The following ZNF503 variants were observed in gnomAD, a reference collection of about 807,000 sequenced individuals.
ZNF503 encodes zinc finger protein 503, also known as NocA-like zinc finger 2.
In ZNF503, 15 loss-of-function variants were observed where a neutral mutation model predicts 34.4. That is an observed-to-expected ratio of 0.44 (90% CI 0.29 to 0.67). The LOEUF is 0.67. Among genes scored for constraint, ZNF503 ranks in the 30% least tolerant of loss-of-function variants. The pLI, the probability that ZNF503 is intolerant of heterozygous loss-of-function variation, is 0.13. For synonymous variants in ZNF503, 580 were observed against 456.8 expected (o/e 1.27, Z -3.44); for missense variants, 1,007 against 926.8 (o/e 1.09, Z -1.12).
chr10:75,401,580 G>A lies in ZNF503; in HGVS notation c.-161C>T. 1 of 826,408 alleles carries A rather than the reference G, an allele frequency of 1.2e-6. No individual in the cohort carries two copies. The highest frequency in any genetic ancestry group is 1.9e-6 in the Non-Finnish European group (1 of 532,736). 51.2% of individuals were successfully genotyped at this position (826,408 alleles called of 1,614,324 possible). On this transcript the variant is annotated 5_prime_UTR_variant, in exon 1 of 2. Coordinates refer to ENST00000372524, the MANE Select transcript of ZNF503 (RefSeq NM_032772.6). ...CGCGCCTTCTCGGCGCCTGGAGCCAGACGCGAGTAATCCTGGGTGGCCCGC... is the reference window on the plus strand; with the variant it reads ...CGCGCCTTCTCGGCGCCTGGAGCCAAACGCGAGTAATCCTGGGTGGCCCGC...
the ZNF503 span, among the ~76,000 whole-genome samples, chr10:75,327,279 T>C: frequency 8.3e-6 from 1 of 120,748 alleles, no homozygotes; most frequent in Non-Finnish European, 1.6e-5. Flanking sequence ...TAGGAATCAC[T>C]ATTCTACTAT....
the ZNF503 span, among the ~76,000 whole-genome samples, chr10:75,323,917 G>C: frequency 1.4e-5 from 2 of 143,690 alleles, no homozygotes; most frequent in South Asian, 4.3e-4. Flanking sequence ...CAGGAGAATT[G>C]CTTAAACCTG....
the ZNF503 span, chr10:75,283,194 C>T: frequency 6.6e-6 from 1 of 152,242 alleles, no homozygotes; most frequent in Non-Finnish European, 1.5e-5. Flanking sequence ...GTGCGTTTCC[C>T]ACCCGGGACT....
chr10:75,356,176 G>A, the ZNF503 span, among the ~76,000 whole-genome samples: 1 of 152,142 alleles, frequency 6.6e-6, no homozygotes, highest in Non-Finnish European at 1.5e-5. Flanking sequence ...CTAGAAAAGG[G>A]GGTGGCACTG....
the ZNF503 span, among the ~76,000 whole-genome samples, chr10:75,343,760 C>G: frequency 6.6e-6 from 1 of 152,178 alleles, no homozygotes. Context: ...TTGAGAAATC[C>G]CATGCCTGGT....
the ZNF503 span, among the ~76,000 whole-genome samples, chr10:75,303,384 G>C: frequency 6.6e-6 from 1 of 152,206 alleles, no homozygotes; most frequent in Non-Finnish European, 1.5e-5. Flanking sequence ...GTGGTTCTGG[G>C]CAACTTTAGT....
At chr10:75,358,094 G>T in the ZNF503 span, among the ~76,000 whole-genome samples, 1 of 152,166 alleles carries the variant, frequency 6.6e-6, no homozygotes. Flanking sequence ...AGGGAAGAGG[G>T]AGATGGCCAG....
At chr10:75,322,297 G>A in the ZNF503 span, among the ~76,000 whole-genome samples, 61 of 151,714 alleles carry the variant, frequency 4.0e-4, no homozygotes, top group African/African-American at 1.4e-3. Flanking sequence ...CTAATTTTTT[G>A]TATTTTAGTA....
At chr10:75,325,672 T>A in the ZNF503 span, among the ~76,000 whole-genome samples, 1 of 152,214 alleles carries the variant, frequency 6.6e-6, no homozygotes, top group African/African-American at 2.4e-5. Context: ...GAGATTTTGA[T>A]TGGGGTTGCA....
At chr10:75,358,508 A>G in the ZNF503 span, 2 of 152,100 alleles carry the variant, frequency 1.3e-5, no homozygotes, top group South Asian at 4.1e-4. Flanking sequence ...TCTTTTCTCC[A>G]GTACTTTAAT....
the ZNF503 span, among the ~76,000 whole-genome samples, chr10:75,330,371 A>G: frequency 6.6e-6 from 1 of 152,124 alleles, no homozygotes; most frequent in Non-Finnish European, 1.5e-5. Flanking sequence ...TCATAGAATG[A>G]GTTTGGAAGA....
At chr10:75,381,897 C>T in the ZNF503 span, among the ~76,000 whole-genome samples, 7 of 132,318 alleles carry the variant, frequency 5.3e-5, no homozygotes, top group Middle Eastern at 4.9e-3. Context: ...ACCTCTGCTT[C>T]CTGGGTTCAA....
chr10:75,285,497 A>G, the ZNF503 span, among the ~76,000 whole-genome samples: 2 of 152,182 alleles, frequency 1.3e-5, no homozygotes, highest in Non-Finnish European at 2.9e-5. Context: ...ATTGACTTCA[A>G]ACTAAATTGG....
chr10:75,320,124 A>G, the ZNF503 span, among the ~76,000 whole-genome samples: 1 of 152,236 alleles, frequency 6.6e-6, no homozygotes, highest in Admixed American at 6.5e-5. Context: ...TAAAGAGAGT[A>G]CAAAGAAAGA....
chr10:75,384,663 T>A, the ZNF503 span, among the ~76,000 whole-genome samples: 20 of 152,182 alleles, frequency 1.3e-4, no homozygotes, highest in Non-Finnish European at 2.5e-4. Flanking sequence ...AGCACCCAAA[T>A]GATGCTCTGG....
At chr10:75,312,303 T>C in the ZNF503 span, among the ~76,000 whole-genome samples, 11 of 151,910 alleles carry the variant, frequency 7.2e-5, no homozygotes, top group African/African-American at 1.7e-4. Flanking sequence ...GAAAATATTA[T>C]AACAAAAATA....
chr10:75,400,060 C>G lies in ZNF503; in HGVS notation c.630G>C (p.Ser210=). The part of the protein sequence containing the change: ...GGGGGVSSEK[S]GFRVPSATCQ... ...AGGTGGCGCTCGGTACCCGGAATCCCGACTTCTCCGACGAAACACCCCCGC... is the reference window on the plus strand; with the variant it reads ...AGGTGGCGCTCGGTACCCGGAATCCGGACTTCTCCGACGAAACACCCCCGC... The change falls in exon 2 of 2, where the codon TCG becomes TCC. Residue 210 remains serine, a synonymous_variant. Coordinates refer to ENST00000372524, the MANE Select transcript of ZNF503 (RefSeq NM_032772.6). 2 of 1,577,484 alleles carry G rather than the reference C, an allele frequency of 1.3e-6. No homozygotes were observed. The highest frequency in any genetic ancestry group is 2.3e-5 in the South Asian group (2 of 86,866).
chr10:75,399,595 C>T lies in ZNF503; in HGVS notation c.1095G>A (p.Gly365=), dbSNP rs1411909984. The change falls in exon 2 of 2, where the codon GGG becomes GGA. Residue 365 remains glycine, a synonymous_variant. Transcript: ENST00000372524. ...ACTGGGGCGGGTAGCCGGCGTAGGC[C>T]CCGGCCAGGCTGCCTGGGTAGGTCA... is the stretch of plus-strand genomic sequence containing the variant. The part of the protein sequence containing the change: ...AGMTYPGSLA[G]AYAGYPPQFL... The T allele has an allele frequency of 4.0e-5, 64 of 1,597,414 alleles. No individual in the cohort carries two copies. In the Admixed American group the frequency reaches 8.8e-4, roughly 22 times the overall value.
the ZNF503 span, among the ~76,000 whole-genome samples, chr10:75,346,891 C>T: frequency 1.3e-5 from 2 of 151,918 alleles, no homozygotes; most frequent in African/African-American, 2.4e-5. Context: ...ATCCTCCTGC[C>T]TCAGCCTCCC....
Sources: allele counts gnomAD v4.1 joint callset (sites outside exome capture counted in the v4.1 genomes callset), GRCh38; gene constraint gnomAD v4.1.1; transcripts MANE v1.5; gene names NCBI Gene and HGNC (gene_info 2026-07-23, HGNC 2026-07-21).